The following TCF20 variants were observed in gnomAD, a reference collection of about 807,000 sequenced individuals.
TCF20 encodes the protein transcription factor 20.
A neutral mutation model predicts 148.6 loss-of-function variants in TCF20; 3 were observed. That is an observed-to-expected ratio of 0.02 (90% confidence interval 0.01 to 0.05). TCF20 has a LOEUF of 0.05. Ranked by LOEUF, TCF20 falls within the 10% of genes least tolerant of loss-of-function variation. The probability of loss-of-function intolerance (pLI) is 1.00; values close to 1 mark genes in which losing one functional copy is unlikely to be tolerated. For missense variants in TCF20, 2,350 were observed against 2,429.3 expected (o/e 0.97, Z 0.69); for synonymous variants, 1,049 against 909.5 (o/e 1.15, Z -2.76).
intron 2 of TCF20, among the ~76,000 whole-genome samples, chr22:42,203,189 G>A (rs1274058920): frequency 6.6e-6 from 1 of 151,954 alleles, no homozygotes; most frequent in Non-Finnish European, 1.5e-5. Flanking sequence ...CATTAAGACT[G>A]GCTAATTTTC....
Position 42,161,352 on chromosome 22 carries a change from G to A in TCF20, c.*51C>T. The A allele has an allele frequency of 6.2e-7, 1 of 1,614,116 alleles. No homozygotes were observed. The highest frequency in any genetic ancestry group is 8.5e-7 in the Non-Finnish European group (1 of 1,179,996). On this transcript the variant is annotated 3_prime_UTR_variant, in exon 6 of 6. Coordinates refer to ENST00000677622, the MANE Select transcript of TCF20 (RefSeq NM_001378418.1). Reference sequence around the variant, plus strand: ...TGTCCACCACCTTCTCATCTCCACAGTCTCACCTGGAAGACAAGGGACACA... The same window carrying A: ...TGTCCACCACCTTCTCATCTCCACAATCTCACCTGGAAGACAAGGGACACA...
chr22:42,242,822 G>C (rs1161314256), intron 1 of TCF20, among the ~76,000 whole-genome samples: 1 of 152,114 alleles, frequency 6.6e-6, no homozygotes, highest in Non-Finnish European at 1.5e-5. Flanking sequence ...AGGAGGCAGA[G>C]GTTGCAGTGA....
chr22:42,173,751 G>A (rs928736727), intron 3 of TCF20, among the ~76,000 whole-genome samples: 8 of 152,154 alleles, frequency 5.3e-5, no homozygotes, highest in Non-Finnish European at 8.8e-5. Context: ...CAAAAAGACC[G>A]CAATGACCAA....
intron 2 of TCF20, among the ~76,000 whole-genome samples, chr22:42,184,981 G>A (rs534568131): frequency 3.2e-4 from 49 of 152,332 alleles, no homozygotes; most frequent in Admixed American, 5.2e-4. Context: ...CAAACTGCAA[G>A]GACTGAGTCA....
intron 1 of TCF20, among the ~76,000 whole-genome samples, chr22:42,329,073 T>C (rs748396316): frequency 6.6e-6 from 1 of 152,176 alleles, no homozygotes; most frequent in Non-Finnish European, 1.5e-5. Flanking sequence ...CCGCTCCCCC[T>C]CTGAGCCAGG....
chr22:42,322,043 T>C (rs1199371386), intron 1 of TCF20, among the ~76,000 whole-genome samples: 1 of 151,692 alleles, frequency 6.6e-6, no homozygotes, highest in African/African-American at 2.4e-5. Flanking sequence ...TGTAAAATAT[T>C]TGGAACAAGG....
At chr22:42,162,066 T>C (rs553961859) in intron 5 of TCF20, among the ~76,000 whole-genome samples, 14 of 140,188 alleles carry the variant, frequency 1.0e-4, no homozygotes, top group Middle Eastern at 3.7e-3. Flanking sequence ...CTGCAGCCTC[T>C]GCCCCCTGGG....
intron 1 of TCF20, among the ~76,000 whole-genome samples, chr22:42,264,339 T>C (rs975422154): frequency 1.3e-5 from 2 of 152,106 alleles, no homozygotes; most frequent in African/African-American, 4.8e-5. Context: ...CTACACTGTC[T>C]AACACTCACC....
At chr22:42,267,097 G>A (rs1351759131) in intron 1 of TCF20, among the ~76,000 whole-genome samples, 3 of 151,544 alleles carry the variant, frequency 2.0e-5, no homozygotes, top group African/African-American at 7.3e-5. Flanking sequence ...GAGAAATCCC[G>A]TCTCTACTGA....
chr22:42,178,427 C>T (rs1461765313), intron 3 of TCF20, among the ~76,000 whole-genome samples: 1 of 151,534 alleles, frequency 6.6e-6, no homozygotes, highest in African/African-American at 2.4e-5. Context: ...GCTGCACTAA[C>T]TCTGCTTAGT....
rs1332115501 is a variant in TCF20, at chr22:42,270,642, A to G, written c.-340T>C. 7.4e-6 allele frequency among the ~76,000 whole-genome samples: 1 copy of G among 135,930 alleles called. No individual in the cohort carries two copies. The highest frequency in any genetic ancestry group is 1.6e-5 in the Non-Finnish European group (1 of 62,684). 89.2% of individuals were successfully genotyped at this position (135,930 alleles called of 152,430 possible). A position where few individuals can be genotyped will look rare whatever the true frequency, so the allele number is the denominator to read the frequency against. ...TTTTTTCTCTCCATTCTCCCAACAC[A>G]CAGGAAATAACAGAGCGTCAGGTGA... On this transcript the variant is annotated 5_prime_UTR_variant, in exon 1 of 6. Transcript: ENST00000677622.
intron 1 of TCF20, among the ~76,000 whole-genome samples, chr22:42,267,408 G>C (rs1427033746): frequency 6.6e-6 from 1 of 151,726 alleles, no homozygotes; most frequent in Non-Finnish European, 1.5e-5. Flanking sequence ...CTATATAAAA[G>C]TGTCTACTTG....
chr22:42,232,339 A>G (rs1267838238), intron 1 of TCF20, among the ~76,000 whole-genome samples: 1 of 152,074 alleles, frequency 6.6e-6, no homozygotes, highest in Non-Finnish European at 1.5e-5. Context: ...AACGACAAAA[A>G]TCACTCAATG....
intron 1 of TCF20, among the ~76,000 whole-genome samples, chr22:42,244,514 G>A (rs141535640): frequency 7.9e-4 from 121 of 152,268 alleles, no homozygotes; most frequent in African/African-American, 2.6e-3. Flanking sequence ...AACACTACGC[G>A]CTAAGTGAAA....
chr22:42,236,875 A>G (rs1923936718), intron 1 of TCF20, among the ~76,000 whole-genome samples: 1 of 152,246 alleles, frequency 6.6e-6, no homozygotes, highest in African/African-American at 2.4e-5. Context: ...TCTAAAAGAC[A>G]ATGTTCATAC....
Position 42,323,868 on chromosome 22 carries a change from GGTGGTGGTGGTGGT to G in TCF20, c.-37+19597_-37+19610del, listed in dbSNP as rs1927784087. ...TAGTGGTGATGGAGGTTATGGTGGT[GGTGGTGGTGGTGGT>G]GATGGAGGTTATGGTGGTGGAGGTG... is the stretch of plus-strand genomic sequence containing the variant. On this transcript the variant is annotated intron_variant, in intron 1 of 1. Transcript: ENST00000515426. Among the ~76,000 whole-genome samples, 8 of 126,774 alleles carry G rather than the reference GGTGGTGGTGGTGGT, an allele frequency of 6.3e-5. 1 individual carries two copies. The South Asian group carries it at 1.7e-3, about 27-fold the overall frequency. The allele number at this position is 126,774 out of a possible 152,430, so 83.2% of individuals were successfully genotyped here.
At chr22:42,302,175 G>A (rs12168117) in intron 1 of TCF20, among the ~76,000 whole-genome samples, 199 of 152,306 alleles carry the variant, frequency 1.3e-3, no homozygotes, top group African/African-American at 4.5e-3. Context: ...CTGCCTTAAG[G>A]GCACTATCGG....
chr22:42,319,040 G>T (rs371286015), intron 1 of TCF20, among the ~76,000 whole-genome samples: 1 of 152,216 alleles, frequency 6.6e-6, no homozygotes, highest in Non-Finnish European at 1.5e-5. Flanking sequence ...GGGTACTAGG[G>T]GGGCATGAGA....
In TCF20 at chr22:42,217,665, T is replaced by C. The variant is rs370775937; in HGVS notation, c.-36-2324A>G. ...CAGAGATGGTGCTGTGGGAGTGACA[T>C]GAGAGAATTATAGAAAGTGAAAATA... On this transcript the variant is annotated intron_variant, in intron 1 of 5. Coordinates refer to ENST00000677622, the MANE Select transcript of TCF20 (RefSeq NM_001378418.1). 8.5e-5 allele frequency among the ~76,000 whole-genome samples: 13 copies of C among 152,208 alleles called. No homozygotes were observed. The South Asian group carries it at 1.9e-3, about 22-fold the overall frequency.
Sources: allele counts gnomAD v4.1 joint callset (sites outside exome capture counted in the v4.1 genomes callset), GRCh38; gene constraint gnomAD v4.1.1; transcripts MANE v1.5; gene names NCBI Gene and HGNC (gene_info 2026-07-23, HGNC 2026-07-21).